Variants in PLEKHA5 observed in about 807,000 individuals in gnomAD.
PLEKHA5 encodes the protein pleckstrin homology domain-containing family A member 5.
Under a neutral mutation model 181.9 loss-of-function variants are expected in PLEKHA5, and 55 were observed. That is an observed-to-expected ratio of 0.30 (90% confidence interval 0.24 to 0.38). The LOEUF (loss-of-function observed/expected upper bound fraction) is 0.38, where lower values mean the gene tolerates loss of function less well. PLEKHA5 is among the 10% of genes least tolerant of loss of function. PLEKHA5 has a pLI of 1.00. For synonymous variants in PLEKHA5, 535 were observed against 529.4 expected (o/e 1.01, Z -0.15); for missense variants, 1,432 against 1,549.5 (o/e 0.92, Z 1.27).
intron 3 of PLEKHA5, among the ~76,000 whole-genome samples, chr12:19,227,098 A>C (rs2059799299): frequency 6.6e-6 from 1 of 152,018 alleles, no homozygotes; most frequent in Non-Finnish European, 1.5e-5. Context: ...GCTCATTGTT[A>C]ATGTTTTCAG....
At chr12:19,156,681 C>A (rs2041798538) in intron 3 of PLEKHA5, among the ~76,000 whole-genome samples, 1 of 151,794 alleles carries the variant, frequency 6.6e-6, no homozygotes, top group South Asian at 2.1e-4. Flanking sequence ...GAATTTCCCT[C>A]TTTTACAGAA....
intron 7 of PLEKHA5, among the ~76,000 whole-genome samples, chr12:19,263,221 T>A (rs1300139466): frequency 6.6e-6 from 1 of 152,184 alleles, no homozygotes; most frequent in Non-Finnish European, 1.5e-5. Context: ...GCTGAGCAAG[T>A]TATATAGATG....
At chr12:19,181,039 T>TAAAAAAAAAA (rs11285788) in intron 3 of PLEKHA5, among the ~76,000 whole-genome samples, 1 of 146,856 alleles carries the variant, frequency 6.8e-6, no homozygotes, top group Non-Finnish European at 1.5e-5. Context: ...GTTGAAATTG[T>TAAAAAAAAAA]AAAAAAAAAA....
intron 21 of PLEKHA5, among the ~76,000 whole-genome samples, chr12:19,337,503 C>T (rs1326449669): frequency 2.1e-5 from 3 of 142,640 alleles, no homozygotes; most frequent in Non-Finnish European, 3.0e-5. Flanking sequence ...GAGCTGAGAT[C>T]GCACCACTGT....
intron 30 of PLEKHA5, among the ~76,000 whole-genome samples, chr12:19,368,562 G>A (rs2095495101): frequency 6.6e-6 from 1 of 152,152 alleles, no homozygotes; most frequent in Admixed American, 6.6e-5. Flanking sequence ...GGAGACTGAG[G>A]CAGGTGGATC....
chr12:19,316,041 C>T (rs577872606), intron 16 of PLEKHA5, among the ~76,000 whole-genome samples: 1 of 151,898 alleles, frequency 6.6e-6, no homozygotes, highest in South Asian at 2.1e-4. Flanking sequence ...CTTAAAGTCA[C>T]CAGATTATAG....
chr12:19,159,243 G>A (rs1170968353), intron 3 of PLEKHA5, among the ~76,000 whole-genome samples: 1 of 152,126 alleles, frequency 6.6e-6, no homozygotes, highest in Non-Finnish European at 1.5e-5. Flanking sequence ...AAACAGCTGT[G>A]CATTCCATTT....
chr12:19,352,541 G>A (rs566138935), intron 25 of PLEKHA5, among the ~76,000 whole-genome samples: 2 of 149,636 alleles, frequency 1.3e-5, no homozygotes, highest in South Asian at 2.1e-4. Context: ...ACTTGTTAAC[G>A]ATGATGATAG....
At chr12:19,216,173 T>C (rs908440771) in intron 3 of PLEKHA5, among the ~76,000 whole-genome samples, 2 of 152,186 alleles carry the variant, frequency 1.3e-5, no homozygotes, top group Non-Finnish European at 2.9e-5. Context: ...GAATTTCTCA[T>C]GTGGGTTTTT....
chr12:19,340,412 A>G (rs2093781047), intron 21 of PLEKHA5, among the ~76,000 whole-genome samples: 2 of 139,534 alleles, frequency 1.4e-5, no homozygotes, highest in Non-Finnish European at 3.2e-5. Context: ...CCGGGAGGTG[A>G]GGGGCGCCTC....
intron 3 of PLEKHA5, among the ~76,000 whole-genome samples, chr12:19,224,550 G>A (rs773654788): frequency 5.3e-5 from 8 of 152,074 alleles, no homozygotes; most frequent in Non-Finnish European, 8.8e-5. Flanking sequence ...AGGGCCATAT[G>A]AAAAATTTTT....
chr12:19,140,866 G>A (rs1294370989), intron 3 of PLEKHA5, among the ~76,000 whole-genome samples: 1 of 152,172 alleles, frequency 6.6e-6, no homozygotes, highest in Non-Finnish European at 1.5e-5. Context: ...TCGGTTCACT[G>A]CAACCTCTGC....
At chr12:19,176,833 C>G (rs1181334754) in intron 3 of PLEKHA5, among the ~76,000 whole-genome samples, 1 of 151,948 alleles carries the variant, frequency 6.6e-6, no homozygotes, top group East Asian at 1.9e-4. Flanking sequence ...ATGGCCAGAT[C>G]AATCTCATTA....
intron 3 of PLEKHA5, among the ~76,000 whole-genome samples, chr12:19,204,739 A>T (rs2055010562): frequency 6.6e-6 from 1 of 152,118 alleles, no homozygotes; most frequent in Admixed American, 6.6e-5. Flanking sequence ...CTGTAGTTTG[A>T]AGATAGCAAA....
At chr12:19,351,113 T>G (rs1356121643) in intron 25 of PLEKHA5, among the ~76,000 whole-genome samples, 1 of 152,088 alleles carries the variant, frequency 6.6e-6, no homozygotes, top group African/African-American at 2.4e-5. Context: ...TTTTTGTATT[T>G]ATTGTAGAGA....
intron 3 of PLEKHA5, among the ~76,000 whole-genome samples, chr12:19,137,022 A>G (rs2035842595): frequency 6.6e-6 from 1 of 152,090 alleles, no homozygotes. Flanking sequence ...TGTATTTGAT[A>G]TTTAAAGTTG....
chr12:19,269,023 C>G (rs181433066), intron 8 of PLEKHA5, among the ~76,000 whole-genome samples: 19 of 152,176 alleles, frequency 1.2e-4, no homozygotes, highest in African/African-American at 4.6e-4. Context: ...AATGCCATAA[C>G]ATGTACATTT....
rs142536390 is a variant in PLEKHA5 at position 19,358,541 on chromosome 12, A to T, written c.3348+104A>T. On this transcript the variant is annotated intron_variant, in intron 27 of 31. Coordinates refer to ENST00000429027, the MANE Select transcript of PLEKHA5 (RefSeq NM_001256470.2). Reference sequence around the variant, plus strand: ...AGGTCTTAAAAGGTCTGCAGTATGGATACTTATTTTATATTATTTAATTCT... The same window carrying T: ...AGGTCTTAAAAGGTCTGCAGTATGGTTACTTATTTTATATTATTTAATTCT... 1,372 of 668,060 alleles carry T rather than the reference A, an allele frequency of 2.1e-3. 12 individuals carry two copies. The African/African-American group carries it at 0.023, about 11-fold the overall frequency. The allele number at this position is 668,060 out of a possible 1,614,324, so 41.4% of individuals were successfully genotyped here.
intron 3 of PLEKHA5, among the ~76,000 whole-genome samples, chr12:19,173,155 C>CTGGG (rs2046376978): frequency 6.7e-6 from 1 of 149,492 alleles, no homozygotes; most frequent in South Asian, 2.1e-4. Flanking sequence ...TCCCGAGTAG[C>CTGGG]TGGGACTACA....
Sources: allele counts gnomAD v4.1 joint callset (sites outside exome capture counted in the v4.1 genomes callset), GRCh38; gene constraint gnomAD v4.1.1; transcripts MANE v1.5; gene names NCBI Gene and HGNC (gene_info 2026-07-23, HGNC 2026-07-21).